The following ZFHX3 variants were observed in gnomAD, a reference collection of about 807,000 sequenced individuals.
ZFHX3 encodes the protein zinc finger homeobox 3, also known as zinc finger homeobox protein 3.
In ZFHX3, 42 loss-of-function variants were observed where a neutral mutation model predicts 279.1. That is an observed-to-expected ratio of 0.15 (90% confidence interval 0.12 to 0.19). ZFHX3 has a LOEUF of 0.19. ZFHX3 is among the 10% of genes least tolerant of loss of function. ZFHX3 has a pLI of 1.00. For missense variants in ZFHX3, 4,981 were observed against 4,754.0 expected, an observed-to-expected ratio of 1.05 and a Z score of -1.40; for synonymous variants, 2,293 against 1,957.8, an observed-to-expected ratio of 1.17 and a Z score of -4.52.
At chr16:73,436,654 T>A (rs9924127) in intron 3 of ZFHX3, among the ~76,000 whole-genome samples, 2,093 of 152,058 alleles carry the variant, frequency 0.014, 14 homozygotes, top group Non-Finnish European at 0.022. Context: ...ACCAGGGTTA[T>A]CAAGAAGCCA....
In ZFHX3 at chr16:72,958,262, C is replaced by T. The variant is rs755205553; in HGVS notation, c.1884G>A (p.Glu628=). 1.9e-6 allele frequency: 3 copies of T among 1,613,952 alleles called. No homozygotes were observed. Among genetic ancestry groups the T allele is most frequent in the South Asian group, 1.1e-5 (1 of 91,080 alleles). ...PHHQHAGSLC[E]LGVGECPSGS... The stretch of plus-strand genomic sequence containing the variant: ...CCGAGGGGCACTCCCCAACCCCAAG[C>T]TCGCAGAGGGAGCCAGCGTGCTGGT... Residue 628 remains glutamate (E), a synonymous_variant, in exon 2 of 10, where the codon GAG becomes GAA. Coordinates refer to ENST00000268489, the MANE Select transcript of ZFHX3 (RefSeq NM_006885.4).
At chr16:73,839,469 G>A (rs184249405) in intron 1 of ZFHX3, among the ~76,000 whole-genome samples, 1 of 151,392 alleles carries the variant, frequency 6.6e-6, no homozygotes, top group East Asian at 1.9e-4. Flanking sequence ...AGAGCCAACA[G>A]GTTGGAAGAT....
At position 73,033,535 on chromosome 16, in the gene ZFHX3, T is replaced by TG. The variant is rs59741667; in HGVS notation, c.-50+14216dup. ...GGGGGGAAAGGGGGCAGGCGGGGGG[T>TG]GGGGGGGGACTGGCACTCCTTTTAA... On this transcript the variant is annotated intron_variant, in intron 1 of 9. Transcript: ENST00000268489. 1.9e-4 allele frequency among the ~76,000 whole-genome samples: 29 copies of TG among 148,778 alleles called. 1 individual carries two copies. The highest frequency in any genetic ancestry group is 1.3e-3 in the South Asian group (6 of 4,612).
Position 72,797,051 on chromosome 16 carries a change from C to G in ZFHX3, c.5631G>C (p.Lys1877Asn), listed in dbSNP as rs140680148. The change falls in exon 9 of 10, where the codon AAG becomes AAC. Residue 1877 changes from lysine to asparagine, a missense_variant. By Grantham distance (94) the Lys-to-Asn change is moderately conservative. Around this residue, in one of 7 missense-constraint regions of ZFHX3, gnomAD observed 1,751 missense variants for 1,770.0 expected, o/e 0.99. Coordinates refer to ENST00000268489, the MANE Select transcript of ZFHX3 (RefSeq NM_006885.4). ...CCTTTTCTTTGATGACCAATTTGTTCTTCTTTTCGGGGTGCTGGCTTGGCT... is the reference window on the plus strand; with the variant it reads ...CCTTTTCTTTGATGACCAATTTGTTGTTCTTTTCGGGGTGCTGGCTTGGCT... ...LLQPSQHPEKKNKLVIKEKEK... is the reference protein window; with the variant it reads ...LLQPSQHPEKNNKLVIKEKEK... 3 of 1,613,822 alleles carry G rather than the reference C, an allele frequency of 1.9e-6. No homozygotes were observed. Among genetic ancestry groups the G allele is most frequent in the Non-Finnish European group, 2.5e-6 (3 of 1,179,992 alleles).
intron 1 of ZFHX3, among the ~76,000 whole-genome samples, chr16:73,006,853 CT>C (rs1170451718): frequency 6.6e-6 from 1 of 152,102 alleles, no homozygotes; most frequent in Non-Finnish European, 1.5e-5. Flanking sequence ...TTTAAATCAT[CT>C]TTTGATTACT....
chr16:73,103,020 G>A (rs1046458090), intron 7 of ZFHX3, among the ~76,000 whole-genome samples: 49 of 152,064 alleles, frequency 3.2e-4, no homozygotes, highest in Non-Finnish European at 1.3e-4. Context: ...CACCTCCCAG[G>A]TTGGATCGAT....
At chr16:73,243,063 G>A (rs1031770001) in intron 5 of ZFHX3, among the ~76,000 whole-genome samples, 1 of 152,206 alleles carries the variant, frequency 6.6e-6, no homozygotes, top group Non-Finnish European at 1.5e-5. Context: ...GTCTACCACT[G>A]TGCAGTTCAG....
chr16:73,493,240 T>C (rs2019083862), intron 2 of ZFHX3, among the ~76,000 whole-genome samples: 1 of 152,186 alleles, frequency 6.6e-6, no homozygotes. Flanking sequence ...CTGGTTCCCC[T>C]TTATCAGTAT....
chr16:73,798,273 G>T (rs909756569), intron 1 of ZFHX3, among the ~76,000 whole-genome samples: 7 of 152,010 alleles, frequency 4.6e-5, no homozygotes, highest in African/African-American at 1.7e-4. Flanking sequence ...AATTCCTCTG[G>T]GGGTGGGGAG....
At chr16:72,955,425 C>T (rs1464475316) in intron 2 of ZFHX3, among the ~76,000 whole-genome samples, 3 of 152,160 alleles carry the variant, frequency 2.0e-5, no homozygotes, top group Non-Finnish European at 2.9e-5. Flanking sequence ...GGTGTGAAAG[C>T]GAAATATTTC....
chr16:73,858,070 T>C (rs1476779660), intron 1 of ZFHX3, among the ~76,000 whole-genome samples: 6 of 149,804 alleles, frequency 4.0e-5, no homozygotes, highest in Non-Finnish European at 4.4e-5. Context: ...TACTCCAGCC[T>C]GGGCAACAGA....
chr16:73,726,776 A>T (rs1597084232), intron 1 of ZFHX3, among the ~76,000 whole-genome samples: 1 of 151,910 alleles, frequency 6.6e-6, no homozygotes, highest in Admixed American at 6.6e-5. Flanking sequence ...TGAGAACAGC[A>T]CTCAAGCCAT....
intron 3 of ZFHX3, among the ~76,000 whole-genome samples, chr16:73,412,416 C>G (rs1385637837): frequency 6.6e-6 from 1 of 152,110 alleles, no homozygotes; most frequent in Non-Finnish European, 1.5e-5. Flanking sequence ...CCCATTCCAC[C>G]TGAATTGCCA....
chr16:73,762,187 C>T (rs2053875977), intron 1 of ZFHX3, among the ~76,000 whole-genome samples: 1 of 151,656 alleles, frequency 6.6e-6, no homozygotes, highest in African/African-American at 2.4e-5. Context: ...TGAACAGATG[C>T]TTCTCCAAAG....
chr16:73,070,948 A>G (rs1214617039), intron 8 of ZFHX3, among the ~76,000 whole-genome samples: 2 of 137,474 alleles, frequency 1.5e-5, no homozygotes, highest in East Asian at 7.0e-4. Flanking sequence ...GCACACACAC[A>G]CACACACACA....
At chr16:72,982,984 T>C (rs113553524) in intron 1 of ZFHX3, among the ~76,000 whole-genome samples, 1 of 152,166 alleles carries the variant, frequency 6.6e-6, no homozygotes, top group African/African-American at 2.4e-5. Context: ...TAAAGGGTGA[T>C]TTGGGCCCCA....
intron 2 of ZFHX3, among the ~76,000 whole-genome samples, chr16:73,471,616 C>T (rs966345278): frequency 6.6e-6 from 1 of 152,112 alleles, no homozygotes; most frequent in Admixed American, 6.5e-5. Flanking sequence ...TTCAGTTTTA[C>T]CCTTCACTGC....
Position 73,325,124 on chromosome 16 carries a change from C to T in ZFHX3, c.-1290-6788G>A, listed in dbSNP as rs1312486314. ...ATGGATGATAGGACAGAAGAAAGAACACAGGGGGCCCTGGAGTAGTCCAGG... is the reference window on the plus strand; with the variant it reads ...ATGGATGATAGGACAGAAGAAAGAATACAGGGGGCCCTGGAGTAGTCCAGG... On this transcript the variant is annotated intron_variant, in intron 3 of 17. Transcript: ENST00000641206. Among the ~76,000 whole-genome samples the T allele has an allele frequency of 2.6e-5, 4 of 152,158 alleles. No individual in the cohort carries two copies. In the East Asian group the frequency reaches 7.7e-4, roughly 29 times the overall value.
chr16:72,956,783 C>A (rs1484791006), intron 2 of ZFHX3, among the ~76,000 whole-genome samples: 1 of 149,522 alleles, frequency 6.7e-6, no homozygotes, highest in Non-Finnish European at 1.5e-5. Flanking sequence ...ATTTAATTCC[C>A]AATTAATTTC....
Sources: allele counts gnomAD v4.1 joint callset (sites outside exome capture counted in the v4.1 genomes callset), GRCh38; gene constraint gnomAD v4.1.1; regional missense constraint gnomAD v4.1.1; transcripts MANE v1.5; gene names NCBI Gene and HGNC (gene_info 2026-07-23, HGNC 2026-07-21).